Variants in FTO observed in about 807,000 individuals in gnomAD.
The protein encoded by FTO is alpha-ketoglutarate-dependent dioxygenase FTO.
In FTO, 47 loss-of-function variants were observed where a neutral mutation model predicts 63.9. The observed-to-expected ratio is 0.74, with a 90% confidence interval of 0.58 to 0.94. The LOEUF is 0.94. Ranked by LOEUF, FTO falls within the 40% of genes least tolerant of loss-of-function variation. The pLI, the probability that FTO is intolerant of heterozygous loss-of-function variation, is 0.00. For synonymous variants in FTO, 207 were observed against 224.4 expected, an observed-to-expected ratio of 0.92 and a Z score of 0.69; for missense variants, 562 against 618.1, an observed-to-expected ratio of 0.91 and a Z score of 0.96.
At position 53,888,918 on chromosome 16, in the gene FTO, A is replaced by C. The variant is rs765180226; in HGVS notation, c.1206A>C (p.Gln402His). 2 of 1,614,124 alleles carry C rather than the reference A, an allele frequency of 1.2e-6. No individual in the cohort carries two copies. Among genetic ancestry groups the C allele is most frequent in the Non-Finnish European group, 8.5e-7 (1 of 1,179,960 alleles). The change falls in exon 7 of 9, where the codon CAA becomes CAC. Residue 402 changes from glutamine (Q) to histidine (H), a missense_variant. By Grantham distance (24) the Gln-to-His change is conservative (BLOSUM62 0). Coordinates refer to ENST00000471389, the MANE Select transcript of FTO (RefSeq NM_001080432.3). ...CTDWWCQPMA[Q>H]LEALWKKMEG... ...ACTGGTGGTGTCAACCCATGGCTCA[A>C]CTGGAAGCACTGTGGAAGAAGATGG...
intron 8 of FTO, among the ~76,000 whole-genome samples, chr16:54,011,248 A>C (rs1393569244): frequency 6.6e-6 from 1 of 152,202 alleles, no homozygotes; most frequent in Non-Finnish European, 1.5e-5. Flanking sequence ...ATAAAACAAA[A>C]AGCTATGGAG....
chr16:53,898,192 C>T (rs1302307273), intron 7 of FTO, among the ~76,000 whole-genome samples: 1 of 151,986 alleles, frequency 6.6e-6, no homozygotes, highest in African/African-American at 2.4e-5. Flanking sequence ...CATTCCTCGA[C>T]CTCCATCAGT....
chr16:53,796,045 CTTTCTT>C (rs1271562212), intron 1 of FTO, among the ~76,000 whole-genome samples: 4 of 116,412 alleles, frequency 3.4e-5, no homozygotes, highest in Middle Eastern at 4.1e-3. Flanking sequence ...TTCTTTCTTT[CTTTCTT>C]TTTTTTTTTT....
intron 8 of FTO, among the ~76,000 whole-genome samples, chr16:53,974,676 C>T (rs1300361245): frequency 5.3e-5 from 8 of 151,196 alleles, no homozygotes; most frequent in African/African-American, 1.7e-4. Flanking sequence ...GCCTAGGAGT[C>T]GTAATGCTCC....
chr16:53,997,300 C>A (rs932934968), intron 8 of FTO, among the ~76,000 whole-genome samples: 1 of 151,924 alleles, frequency 6.6e-6, no homozygotes, highest in Admixed American at 6.6e-5. Flanking sequence ...GTAACCGCCC[C>A]CATGATTCAA....
intron 8 of FTO, among the ~76,000 whole-genome samples, chr16:54,060,915 C>G (rs1599296659): frequency 6.6e-6 from 1 of 152,180 alleles, no homozygotes; most frequent in African/African-American, 2.4e-5. Context: ...TACTCTGGCT[C>G]AGAGAAAATT....
intron 8 of FTO, among the ~76,000 whole-genome samples, chr16:54,058,324 T>A (rs1466320498): frequency 6.6e-6 from 1 of 152,060 alleles, no homozygotes; most frequent in Non-Finnish European, 1.5e-5. Flanking sequence ...GGTTTTGCCA[T>A]GTTGGCCAGG....
chr16:54,005,180 GAAGGGGA>G (rs1447356758), intron 8 of FTO, among the ~76,000 whole-genome samples: 1 of 149,154 alleles, frequency 6.7e-6, no homozygotes, highest in African/African-American at 2.4e-5. Flanking sequence ...GATGTTAAAG[GAAGGGGA>G]ACCTTTTTCT....
rs76273723 is a variant in FTO, at chr16:54,111,655, G to A, written c.1365-107G>A. 953 of 1,189,964 alleles carry A rather than the reference G, an allele frequency of 8.0e-4. 4 individuals carry two copies. In the African/African-American group the frequency reaches 0.013, roughly 16 times the overall value. The allele number at this position is 1,189,964 out of a possible 1,614,324, so 73.7% of individuals were successfully genotyped here. ...AGTCGTCACCATGACCTTCACCCCC[G>A]AGGACTGTCTTTGGAGCATTGGCCA... On this transcript the variant is annotated intron_variant, in intron 8 of 8. Coordinates refer to ENST00000471389, the MANE Select transcript of FTO (RefSeq NM_001080432.3).
At chr16:53,949,381 A>C (rs1238457810) in intron 8 of FTO, among the ~76,000 whole-genome samples, 2 of 152,234 alleles carry the variant, frequency 1.3e-5, no homozygotes, top group African/African-American at 4.8e-5. Flanking sequence ...GCTTCTGGAG[A>C]AGAGGAAAAT....
intron 1 of FTO, among the ~76,000 whole-genome samples, chr16:53,802,511 C>T (rs780725908): frequency 9.2e-5 from 14 of 151,988 alleles, no homozygotes; most frequent in Admixed American, 3.9e-4. Context: ...TTAAGTAATT[C>T]GATTATGTTG....
chr16:53,911,413 G>A, intron 7 of FTO: 1 of 703,174 alleles, frequency 1.4e-6, no homozygotes, highest in Non-Finnish European at 2.6e-6. Context: ...ATGTAATAGT[G>A]TCGAACCCTG....
chr16:53,972,512 C>A (rs1386749855), intron 8 of FTO, among the ~76,000 whole-genome samples: 3 of 152,162 alleles, frequency 2.0e-5, no homozygotes, highest in African/African-American at 4.8e-5. Flanking sequence ...AAATCCAAGA[C>A]AATAAATTGG....
rs13335029 is a variant in FTO, at chr16:53,784,853, A to G, written c.46-25287A>G. Among the ~76,000 whole-genome samples the G allele has an allele frequency of 7.3e-3, 1,104 of 152,258 alleles. 15 individuals carry two copies. The highest frequency in any genetic ancestry group is 0.025 in the African/African-American group (1,039 of 41,544). On this transcript the variant is annotated intron_variant, in intron 1 of 8. Transcript: ENST00000471389. ...ACATCAAAGCTGTTTCAATGTGTCA[A>G]CGAACTCAGTTCATTTACCTCTGCC... is the stretch of plus-strand genomic sequence containing the variant.
chr16:54,025,507 G>A (rs957274403), intron 8 of FTO, among the ~76,000 whole-genome samples: 1 of 152,102 alleles, frequency 6.6e-6, no homozygotes, highest in African/African-American at 2.4e-5. Flanking sequence ...AGGGTCACTT[G>A]AGGTCAGGAG....
chr16:53,778,338 A>T (rs1399998595), intron 1 of FTO, among the ~76,000 whole-genome samples: 2 of 152,192 alleles, frequency 1.3e-5, no homozygotes, highest in East Asian at 3.9e-4. Context: ...ATGTATACAA[A>T]TGTCAAAACA....
chr16:53,730,001 A>C (rs941669415), intron 1 of FTO, among the ~76,000 whole-genome samples: 4 of 152,188 alleles, frequency 2.6e-5, no homozygotes, highest in Non-Finnish European at 5.9e-5. Flanking sequence ...TCTGGCATAC[A>C]ACAAGCACTT....
intron 7 of FTO, among the ~76,000 whole-genome samples, chr16:53,912,027 C>T (rs866453292): frequency 3.9e-5 from 6 of 152,310 alleles, no homozygotes; most frequent in Admixed American, 1.3e-4. Flanking sequence ...CTTTTAAAAT[C>T]CAAGGTGCAT....
At chr16:53,893,694 C>T (rs115128624) in intron 7 of FTO, among the ~76,000 whole-genome samples, 1,804 of 151,718 alleles carry the variant, frequency 0.012, 26 homozygotes, top group African/African-American at 0.034. Flanking sequence ...TGGTATAATC[C>T]AGTGGAAATA....
Sources: gnomAD v4.1 joint callset for allele counts (sites outside exome capture counted in the v4.1 genomes callset) on GRCh38, gnomAD v4.1.1 for gene constraint, MANE v1.5 for transcripts, NCBI Gene and HGNC (gene_info 2026-07-23, HGNC 2026-07-21) for gene names.